The following SCMH1 variants were observed in gnomAD, a reference collection of about 807,000 sequenced individuals.
SCMH1 encodes polycomb protein SCMH1.
A neutral mutation model predicts 70.8 loss-of-function variants in SCMH1; 37 were observed. The observed-to-expected ratio is 0.52, with a 90% CI of 0.40 to 0.69. The LOEUF is 0.69. SCMH1 is among the 30% of genes least tolerant of loss of function. The pLI is 0.00. For missense variants in SCMH1, 607 were observed against 827.3 expected (o/e 0.73, Z 3.27); for synonymous variants, 292 against 307.4 (o/e 0.95, Z 0.52).
At chr1:41,049,766 C>CA (rs11400346) in intron 10 of SCMH1, among the ~76,000 whole-genome samples, 82,279 of 123,152 alleles carry the variant, frequency 0.67, 27,980 homozygotes, top group African/African-American at 0.84. Flanking sequence ...GAATTGGTCT[C>CA]AAAAAAAAAA....
At chr1:41,188,968 A>C (rs1338789075) in intron 1 of SCMH1, among the ~76,000 whole-genome samples, 1 of 152,206 alleles carries the variant, frequency 6.6e-6, no homozygotes, top group Non-Finnish European at 1.5e-5. Context: ...CAGAACTCTC[A>C]GTTTTAGATA....
chr1:41,042,516 G>A (rs1182068384), intron 12 of SCMH1, among the ~76,000 whole-genome samples: 1 of 152,104 alleles, frequency 6.6e-6, no homozygotes, highest in African/African-American at 2.4e-5. Context: ...AAAGTGCTGG[G>A]ATTACAGGCA....
At chr1:41,124,421 A>G (rs1672679223) in intron 6 of SCMH1, among the ~76,000 whole-genome samples, 1 of 152,136 alleles carries the variant, frequency 6.6e-6, no homozygotes, top group Non-Finnish European at 1.5e-5. Context: ...ATTGGTTGTC[A>G]TGTTTCTTCA....
intron 1 of SCMH1, among the ~76,000 whole-genome samples, chr1:41,221,486 C>T (rs1298909906): frequency 2.8e-5 from 4 of 144,920 alleles, no homozygotes; most frequent in African/African-American, 1.0e-4. Flanking sequence ...GATACCATTT[C>T]TACAAAAACA....
chr1:41,179,945 C>T (rs904397305), intron 2 of SCMH1, among the ~76,000 whole-genome samples: 21 of 152,182 alleles, frequency 1.4e-4, no homozygotes, highest in African/African-American at 4.8e-4. Flanking sequence ...CCTTGATGAA[C>T]ATTGATGCAA....
At chr1:41,178,291 A>G (rs1647591728) in intron 2 of SCMH1, among the ~76,000 whole-genome samples, 1 of 152,230 alleles carries the variant, frequency 6.6e-6, no homozygotes, top group African/African-American at 2.4e-5. Flanking sequence ...AACATGCCAA[A>G]CTGTAAAGAC....
At chr1:41,132,212 G>C (rs1314267714) in intron 6 of SCMH1, among the ~76,000 whole-genome samples, 10 of 152,088 alleles carry the variant, frequency 6.6e-5, no homozygotes, top group Non-Finnish European at 8.8e-5. Context: ...AGCATCTATT[G>C]TTTCCAGACT....
intron 6 of SCMH1, among the ~76,000 whole-genome samples, chr1:41,118,751 C>T (rs1401451639): frequency 6.6e-6 from 1 of 152,104 alleles, no homozygotes; most frequent in Non-Finnish European, 1.5e-5. Context: ...AATTAGAGCC[C>T]CAAGTGCTTC....
intron 1 of SCMH1, among the ~76,000 whole-genome samples, chr1:41,191,409 C>A (rs1651690442): frequency 6.6e-6 from 1 of 152,124 alleles, no homozygotes; most frequent in Non-Finnish European, 1.5e-5. Flanking sequence ...TAAAAGTAAT[C>A]TTTATAAAAA....
chr1:41,236,998 A>G (rs1662518878), intron 1 of SCMH1, among the ~76,000 whole-genome samples: 1 of 152,228 alleles, frequency 6.6e-6, no homozygotes, highest in South Asian at 2.1e-4. Flanking sequence ...TCATTCACAG[A>G]TGGGGAGAGA....
chr1:41,066,191 GGT>G (rs1474516429), intron 10 of SCMH1, among the ~76,000 whole-genome samples: 2 of 152,158 alleles, frequency 1.3e-5, no homozygotes, highest in African/African-American at 4.8e-5. Context: ...GCTCAGAAAG[GGT>G]GTGTGACCCA....
At chr1:41,087,967 T>TGTGTGTGTGTGTGTGTGTGTGTG (rs1553238474) in intron 8 of SCMH1, among the ~76,000 whole-genome samples, 2 of 151,626 alleles carry the variant, frequency 1.3e-5, no homozygotes, top group African/African-American at 4.9e-5. Flanking sequence ...TGTGTGTGTA[T>TGTGTGTGTGTGTGTGTGTGTGTG]TTATTTATGC....
intron 13 of SCMH1, among the ~76,000 whole-genome samples, chr1:41,029,254 A>G (rs1212969245): frequency 6.6e-6 from 1 of 152,208 alleles, no homozygotes; most frequent in Non-Finnish European, 1.5e-5. Flanking sequence ...TCTGTCACCC[A>G]GGGGCTGGAG....
chr1:41,191,687 A>G (rs1651746739), intron 1 of SCMH1, among the ~76,000 whole-genome samples: 1 of 152,172 alleles, frequency 6.6e-6, no homozygotes, highest in African/African-American at 2.4e-5. Flanking sequence ...GTATACTTCT[A>G]TTGGCAAAAT....
At chr1:41,224,102 T>C (rs1194849779) in intron 1 of SCMH1, among the ~76,000 whole-genome samples, 1 of 152,138 alleles carries the variant, frequency 6.6e-6, no homozygotes, top group East Asian at 1.9e-4. Context: ...GATCGCCCCC[T>C]CTTTCACCTC....
chr1:41,116,812 G>T, intron 7 of SCMH1, 110 bp downstream of exon 7: 1 of 748,554 alleles, frequency 1.3e-6, no homozygotes, highest in Non-Finnish European at 2.1e-6. Context: ...AAATCCTTCT[G>T]AACTAATTTC....
intron 10 of SCMH1, among the ~76,000 whole-genome samples, chr1:41,068,002 C>A (rs950350490): frequency 6.6e-6 from 1 of 152,098 alleles, no homozygotes; most frequent in South Asian, 2.1e-4. Flanking sequence ...CAAAGAACAA[C>A]AAAAAGAGCT....
chr1:41,181,129 A>G (rs1467310084), intron 2 of SCMH1, among the ~76,000 whole-genome samples: 5 of 152,340 alleles, frequency 3.3e-5, no homozygotes, highest in African/African-American at 1.2e-4. Context: ...TGGTGCTGGG[A>G]AAACTGGCTA....
At chr1:41,213,889 T>G (rs538863562) in intron 1 of SCMH1, among the ~76,000 whole-genome samples, 1 of 140,768 alleles carries the variant, frequency 7.1e-6, no homozygotes, top group Non-Finnish European at 1.6e-5. Context: ...CTTACATTTT[T>G]TTTTAAAAAA....
Sources: gnomAD v4.1 joint callset for allele counts (sites outside exome capture counted in the v4.1 genomes callset) on GRCh38, gnomAD v4.1.1 for gene constraint, MANE v1.5 for transcripts, NCBI Gene and HGNC (gene_info 2026-07-23, HGNC 2026-07-21) for gene names.